FARS2: variants seen among roughly 807,000 people sequenced by gnomAD.
The protein encoded by FARS2 is phenylalanine--tRNA ligase, mitochondrial.
In FARS2, 40 loss-of-function variants were observed where a neutral mutation model predicts 46.4. The observed-to-expected ratio is 0.86, with a 90% CI of 0.67 to 1.12. The LOEUF is 1.12. Ranked by LOEUF, FARS2 falls within the 50% of genes most tolerant of loss-of-function variation. FARS2 has a pLI of 0.00. For synonymous variants in FARS2, 234 were observed against 214.9 expected (o/e 1.09, Z -0.78); for missense variants, 513 against 567.9 (o/e 0.90, Z 0.98).
chr6:5,379,924 G>T (rs1759646211), intron 2 of FARS2, among the ~76,000 whole-genome samples: 1 of 152,218 alleles, frequency 6.6e-6, no homozygotes, highest in Admixed American at 6.5e-5. Flanking sequence ...CACAGAGCAG[G>T]CAATGAAGGA....
intron 4 of FARS2, among the ~76,000 whole-genome samples, chr6:5,472,675 A>G (rs796942603): frequency 6.6e-5 from 10 of 152,248 alleles, no homozygotes; most frequent in African/African-American, 2.2e-4. Context: ...TCTCCATTTA[A>G]TGTGATGTCC....
chr6:5,294,097 A>C (rs545194928), intron 1 of FARS2, among the ~76,000 whole-genome samples: 1 of 152,224 alleles, frequency 6.6e-6, no homozygotes, highest in Non-Finnish European at 1.5e-5. Context: ...TATAAATAAT[A>C]AAGAGGTATG....
chr6:5,722,606 G>A (rs189250517), intron 6 of FARS2, among the ~76,000 whole-genome samples: 77 of 152,324 alleles, frequency 5.1e-4, no homozygotes, highest in Admixed American at 3.5e-3. Context: ...GAACCCCTGT[G>A]CTGAGCATGG....
At chr6:5,624,321 A>G (rs1327704617) in intron 6 of FARS2, among the ~76,000 whole-genome samples, 1 of 152,112 alleles carries the variant, frequency 6.6e-6, no homozygotes, top group Non-Finnish European at 1.5e-5. Context: ...ATTAAATCAC[A>G]GTTTGTTCAG....
intron 4 of FARS2, among the ~76,000 whole-genome samples, chr6:5,444,515 G>GA (rs1293348076): frequency 1.8e-5 from 2 of 111,350 alleles, no homozygotes; most frequent in African/African-American, 3.9e-5. Context: ...AGAGAGAGAG[G>GA]AAAAAATCTT....
rs552538194 is a variant in FARS2, at chr6:5,341,257, T to TTTC, written c.-21-27293_-21-27292insTTC. Among the ~76,000 whole-genome samples the TTTC allele has an allele frequency of 3.8e-3, 213 of 56,626 alleles. 23 individuals are homozygous for TTTC. The highest frequency in any genetic ancestry group is 5.6e-3 in the African/African-American group (74 of 13,156). 37.1% of individuals were successfully genotyped at this position (56,626 alleles called of 152,430 possible). ...TATATTTTTTTTTTTTTTTTTTTTT[T>TTTC]CCCTGTGAGAGCAGTTGTTTTGAGA... On this transcript the variant is annotated intron_variant, in intron 1 of 6. Transcript: ENST00000274680.
intron 5 of FARS2, among the ~76,000 whole-genome samples, chr6:5,600,931 T>G (rs1165236461): frequency 6.6e-6 from 1 of 152,128 alleles, no homozygotes; most frequent in Non-Finnish European, 1.5e-5. Flanking sequence ...TATTAGGAAG[T>G]GGAGCTTTAG....
At chr6:5,370,133 T>C (rs1254562843) in intron 2 of FARS2, among the ~76,000 whole-genome samples, 3 of 152,230 alleles carry the variant, frequency 2.0e-5, no homozygotes, top group African/African-American at 7.2e-5. Context: ...CTAAATGAGT[T>C]ATTAATATGA....
intron 4 of FARS2, among the ~76,000 whole-genome samples, chr6:5,540,694 A>G (rs1469368621): frequency 1.1e-4 from 17 of 151,968 alleles, no homozygotes; most frequent in East Asian, 1.9e-4. Context: ...CAGAACTCTC[A>G]GGTTTAGATG....
chr6:5,299,099 A>C (rs764532324), intron 1 of FARS2, among the ~76,000 whole-genome samples: 3 of 152,320 alleles, frequency 2.0e-5, no homozygotes, highest in Admixed American at 6.5e-5. Flanking sequence ...GCGTTTTGGA[A>C]GATAAAGAGC....
intron 1 of FARS2, among the ~76,000 whole-genome samples, chr6:5,279,994 C>A (rs1265196033): frequency 1.3e-5 from 2 of 152,244 alleles, no homozygotes; most frequent in Non-Finnish European, 2.9e-5. Flanking sequence ...CTAACCGTTA[C>A]ACTAGGCAAA....
At chr6:5,390,012 G>A (rs955630019) in intron 2 of FARS2, among the ~76,000 whole-genome samples, 1 of 151,990 alleles carries the variant, frequency 6.6e-6, no homozygotes, top group Admixed American at 6.6e-5. Context: ...TTACAGGCAC[G>A]CGCCACCACG....
At chr6:5,408,819 G>A (rs948673900) in intron 3 of FARS2, among the ~76,000 whole-genome samples, 1 of 152,148 alleles carries the variant, frequency 6.6e-6, no homozygotes, top group Non-Finnish European at 1.5e-5. Context: ...TATCATGTCT[G>A]AGGGAACAAG....
intron 2 of FARS2, among the ~76,000 whole-genome samples, chr6:5,384,443 G>A (rs1036902789): frequency 6.6e-6 from 1 of 152,190 alleles, no homozygotes; most frequent in Non-Finnish European, 1.5e-5. Context: ...GGGCAGCCTC[G>A]CCTTCTGCCG....
intron 4 of FARS2, among the ~76,000 whole-genome samples, chr6:5,537,187 G>A (rs1291778656): frequency 6.6e-6 from 1 of 152,106 alleles, no homozygotes; most frequent in Non-Finnish European, 1.5e-5. Flanking sequence ...TCTTTCTCCA[G>A]TTTTGAAGTG....
At chr6:5,466,774 C>T (rs897827769) in intron 4 of FARS2, 190 of 982,286 alleles carry the variant, frequency 1.9e-4, no homozygotes, top group Non-Finnish European at 2.1e-4. Flanking sequence ...GAAGCAGCAC[C>T]CCTGGTGATT....
intron 2 of FARS2, among the ~76,000 whole-genome samples, chr6:5,382,270 A>C (rs548010115): frequency 2.6e-5 from 4 of 152,298 alleles, no homozygotes; most frequent in Non-Finnish European, 5.9e-5. Flanking sequence ...GATGCTTCTT[A>C]ATATTTTTAT....
intron 5 of FARS2, among the ~76,000 whole-genome samples, chr6:5,583,155 T>C (rs1383979769): frequency 2.6e-5 from 4 of 152,234 alleles, no homozygotes; most frequent in African/African-American, 9.6e-5. Flanking sequence ...TAAAAAGTTA[T>C]TGTAAAAACA....
the FARS2 span, among the ~76,000 whole-genome samples, chr6:5,250,586 A>C: frequency 6.6e-6 from 1 of 152,220 alleles, no homozygotes; most frequent in Admixed American, 6.5e-5. Context: ...TCAAAAGTCT[A>C]AGAAACTGCT....
Sources: gnomAD v4.1 joint callset for allele counts (sites outside exome capture counted in the v4.1 genomes callset) on GRCh38, gnomAD v4.1.1 for gene constraint, MANE v1.5 for transcripts, NCBI Gene and HGNC (gene_info 2026-07-23, HGNC 2026-07-21) for gene names.